The following CACNA2D3 variants were observed in gnomAD, a reference collection of about 807,000 sequenced individuals.
The protein encoded by CACNA2D3 is calcium voltage-gated channel auxiliary subunit alpha2delta 3.
A neutral mutation model predicts 160.6 loss-of-function variants in CACNA2D3; 60 were observed. That is an observed-to-expected ratio of 0.37 (90% CI 0.30 to 0.46). The LOEUF is 0.46. Ranked by LOEUF, CACNA2D3 falls within the 20% of genes least tolerant of loss-of-function variation. The pLI is 1.00. For missense variants in CACNA2D3, 1,205 were observed against 1,365.0 expected, an observed-to-expected ratio of 0.88 and a Z score of 1.85; for synonymous variants, 558 against 492.9, an observed-to-expected ratio of 1.13 and a Z score of -1.75.
intron 2 of CACNA2D3, among the ~76,000 whole-genome samples, chr3:54,184,210 A>C (rs1263104231): frequency 1.3e-5 from 2 of 152,210 alleles, no homozygotes; most frequent in African/African-American, 4.8e-5. Context: ...GGAGCCCTAG[A>C]GGTTCTGTCG....
intron 31 of CACNA2D3, among the ~76,000 whole-genome samples, chr3:54,995,834 T>A (rs1702844720): frequency 6.6e-6 from 1 of 152,114 alleles, no homozygotes; most frequent in Non-Finnish European, 1.5e-5. Context: ...TGCTTCAAAC[T>A]ATATGAGTCC....
rs114395041 is a variant in CACNA2D3, at chr3:54,662,677, G to T, written c.1167+20436G>T. On this transcript the variant is annotated intron_variant, in intron 11 of 37. Coordinates refer to ENST00000474759, the MANE Select transcript of CACNA2D3 (RefSeq NM_018398.3). ...ATGGTCTCAAGGCAAGGATTTTGCT[G>T]CGCTTGCTTCTCTCCTGGATTCCAG... 5.8e-3 allele frequency among the ~76,000 whole-genome samples: 881 copies of T among 152,326 alleles called. 16 individuals are homozygous for T. The highest frequency in any genetic ancestry group is 0.02 in the African/African-American group (820 of 41,574).
At chr3:54,474,389 G>T (rs946727600) in intron 4 of CACNA2D3, among the ~76,000 whole-genome samples, 3 of 151,944 alleles carry the variant, frequency 2.0e-5, no homozygotes, top group Non-Finnish European at 2.9e-5. Flanking sequence ...CACATACCGG[G>T]GCCTGTCAGG....
chr3:54,365,751 T>C (rs551128985), intron 3 of CACNA2D3, among the ~76,000 whole-genome samples: 1 of 152,258 alleles, frequency 6.6e-6, no homozygotes, highest in African/African-American at 2.4e-5. Context: ...TAATCCCAGC[T>C]ACTCGGGAGG....
intron 4 of CACNA2D3, among the ~76,000 whole-genome samples, chr3:54,409,404 A>G (rs886606088): frequency 1.3e-5 from 2 of 152,156 alleles, no homozygotes; most frequent in African/African-American, 4.8e-5. Context: ...CCATTCCCTC[A>G]TCTCTCTCCC....
intron 27 of CACNA2D3, among the ~76,000 whole-genome samples, chr3:54,928,956 A>G (rs767096125): frequency 6.6e-6 from 1 of 152,076 alleles, no homozygotes; most frequent in African/African-American, 2.4e-5. Context: ...ATCCCCTGCC[A>G]TTTGCTGAGG....
At chr3:54,462,916 G>A (rs866667552) in intron 4 of CACNA2D3, among the ~76,000 whole-genome samples, 1 of 149,356 alleles carries the variant, frequency 6.7e-6, no homozygotes, top group Admixed American at 6.7e-5. Flanking sequence ...GCTGGTACCG[G>A]TTGTTCCTTT....
At chr3:54,797,795 G>A (rs1342739944) in intron 13 of CACNA2D3, among the ~76,000 whole-genome samples, 4 of 152,118 alleles carry the variant, frequency 2.6e-5, no homozygotes, top group African/African-American at 9.7e-5. Flanking sequence ...TAAACCTTAT[G>A]ATAGCTATGT....
chr3:54,894,372 C>T (rs1307015643), intron 25 of CACNA2D3, among the ~76,000 whole-genome samples: 1 of 152,120 alleles, frequency 6.6e-6, no homozygotes, highest in African/African-American at 2.4e-5. Context: ...GCTGGCTGCC[C>T]TAGGTGCCAG....
rs540602965 is a variant in CACNA2D3 at position 54,145,456 on chromosome 3, G to A, written c.204+21862G>A. Among the ~76,000 whole-genome samples, 238 of 152,270 alleles carry A rather than the reference G, an allele frequency of 1.6e-3. 2 individuals carry two copies. The highest frequency in any genetic ancestry group is 5.1e-3 in the African/African-American group (210 of 41,560). On this transcript the variant is annotated intron_variant, in intron 2 of 37. Coordinates refer to ENST00000474759, the MANE Select transcript of CACNA2D3 (RefSeq NM_018398.3). Reference sequence around the variant, plus strand: ...GCTCTAGACACTGTAAAGAATTGCAGTTTTTTTCTTTTAGGGAAGTGTCCC... The same window carrying A: ...GCTCTAGACACTGTAAAGAATTGCAATTTTTTTCTTTTAGGGAAGTGTCCC...
intron 2 of CACNA2D3, among the ~76,000 whole-genome samples, chr3:54,204,619 A>T (rs1362612650): frequency 6.6e-6 from 1 of 152,026 alleles, no homozygotes; most frequent in Non-Finnish European, 1.5e-5. Flanking sequence ...ACATGGTGAA[A>T]CCCTGTCTCT....
chr3:55,061,636 C>A (rs1704509476), intron 35 of CACNA2D3, among the ~76,000 whole-genome samples: 1 of 152,224 alleles, frequency 6.6e-6, no homozygotes, highest in Admixed American at 6.5e-5. Context: ...TCCCAGCAGG[C>A]ATTTCCTTTC....
chr3:54,338,045 G>T (rs1167475859), intron 3 of CACNA2D3, among the ~76,000 whole-genome samples: 1 of 152,146 alleles, frequency 6.6e-6, no homozygotes, highest in Non-Finnish European at 1.5e-5. Context: ...AGTGCTCCCC[G>T]AGGACAGACA....
chr3:54,780,751 T>C (rs1042737804), intron 13 of CACNA2D3, among the ~76,000 whole-genome samples: 2 of 152,208 alleles, frequency 1.3e-5, no homozygotes, highest in Non-Finnish European at 2.9e-5. Flanking sequence ...GTGAGTTTCC[T>C]GAAGAAGACG....
chr3:54,178,574 G>C (rs534773769), intron 2 of CACNA2D3, among the ~76,000 whole-genome samples: 1 of 152,336 alleles, frequency 6.6e-6, no homozygotes, highest in Non-Finnish European at 1.5e-5. Flanking sequence ...GCTGTGCTTT[G>C]CTGTTTCTGA....
chr3:54,182,606 A>C (rs541165460), intron 2 of CACNA2D3, among the ~76,000 whole-genome samples: 1 of 152,322 alleles, frequency 6.6e-6, no homozygotes, highest in South Asian at 2.1e-4. Flanking sequence ...AACAAATGTT[A>C]CTACGTTATT....
At chr3:55,031,367 C>G (rs994796682) in intron 35 of CACNA2D3, among the ~76,000 whole-genome samples, 1 of 152,132 alleles carries the variant, frequency 6.6e-6, no homozygotes, top group Non-Finnish European at 1.5e-5. Flanking sequence ...TCCATTTGTT[C>G]AGCTTGGAAA....
At chr3:54,918,339 T>TTC in intron 27 of CACNA2D3, 1 of 328,834 alleles carries the variant, frequency 3.0e-6, no homozygotes, top group Non-Finnish European at 4.8e-6. Flanking sequence ...TTTCTTTTTT[T>TTC]TTTTTTTTTT....
intron 2 of CACNA2D3, among the ~76,000 whole-genome samples, chr3:54,133,292 G>A (rs944058272): frequency 6.6e-6 from 1 of 152,068 alleles, no homozygotes; most frequent in African/African-American, 2.4e-5. Flanking sequence ...TTTTAGAGAT[G>A]CAGAAACGTC....
Sources: gnomAD v4.1 joint callset for allele counts (sites outside exome capture counted in the v4.1 genomes callset) on GRCh38, gnomAD v4.1.1 for gene constraint, MANE v1.5 for transcripts, NCBI Gene and HGNC (gene_info 2026-07-23, HGNC 2026-07-21) for gene names.